CHD2: variants seen among roughly 807,000 people sequenced by gnomAD.
CHD2 encodes chromodomain helicase DNA binding protein 2.
In CHD2, 28 loss-of-function variants were observed where a neutral mutation model predicts 243.9. That is an observed-to-expected ratio of 0.11 (90% CI 0.09 to 0.16). The LOEUF (loss-of-function observed/expected upper bound fraction) is 0.16. CHD2 is among the 10% of genes least tolerant of loss of function. The pLI, the probability that CHD2 is intolerant of heterozygous loss-of-function variation, is 1.00. For synonymous variants in CHD2, 775 were observed against 779.0 expected (o/e 0.99, Z 0.09); for missense variants, 1,386 against 2,209.8 (o/e 0.63, Z 7.47).
At chr15:92,948,561 C>T (rs1040727241) in intron 12 of CHD2, among the ~76,000 whole-genome samples, 2 of 152,076 alleles carry the variant, frequency 1.3e-5, no homozygotes, top group Non-Finnish European at 2.9e-5. Context: ...TGGCCAGGCG[C>T]GGTGGCTCAC....
At position 92,991,508 on chromosome 15, in the gene CHD2, C is replaced by G; in HGVS notation, c.3446C>G (p.Pro1149Arg). The change falls in exon 27 of 39, where the codon CCT becomes CGT. Residue 1149 changes from proline (P) to arginine (R), a missense_variant. Physicochemically the swap from Pro to Arg is moderately radical, Grantham distance 103 (BLOSUM62 -2). This residue lies in a region of CHD2 where 13 missense variants were observed against 57.6 expected (regional missense o/e 0.23). Transcript: ENST00000394196. The stretch of plus-strand genomic sequence containing the variant: ...AAGGCTTATAAGAAGTTTGGTCTCC[C>G]TCTTGAACGGTAAGTTCAGTGTAAT... Reference protein sequence around the residue: ...FIKAYKKFGLPLERLECIARD... With the variant: ...FIKAYKKFGLRLERLECIARD... 1 of 1,607,670 alleles carries G rather than the reference C, an allele frequency of 6.2e-7. No homozygotes were observed. Among genetic ancestry groups the G allele is most frequent in the Non-Finnish European group, 8.5e-7 (1 of 1,176,100 alleles).
chr15:92,928,317 TC>T (rs1207381074), intron 4 of CHD2, among the ~76,000 whole-genome samples: 2 of 152,232 alleles, frequency 1.3e-5, no homozygotes, highest in African/African-American at 4.8e-5. Context: ...TAGAAATCTT[TC>T]CCTCTTTTAC....
intron 27 of CHD2, among the ~76,000 whole-genome samples, chr15:92,992,436 G>A (rs945893373): frequency 6.6e-6 from 1 of 152,174 alleles, no homozygotes; most frequent in South Asian, 2.1e-4. Flanking sequence ...TAAACATATA[G>A]TAGAAGTAGC....
chr15:92,908,635 T>C (rs148692746), intron 2 of CHD2, among the ~76,000 whole-genome samples: 65 of 152,372 alleles, frequency 4.3e-4, no homozygotes, highest in African/African-American at 1.5e-3. Context: ...GCACTTCGTG[T>C]ACTTTAACCC....
At position 92,949,148 on chromosome 15, in the gene CHD2, T is replaced by C; in HGVS notation, c.1502+72T>C. 1.3e-6 allele frequency: 2 copies of C among 1,577,704 alleles called. 1 individual carries two copies. Among genetic ancestry groups the C allele is most frequent in the South Asian group, 2.4e-5 (2 of 83,258 alleles). On this transcript the variant is annotated intron_variant, in intron 13 of 38. Coordinates refer to ENST00000394196, the MANE Select transcript of CHD2 (RefSeq NM_001271.4). ...CTTTATTGTTAGATGTCAAGAATTTTTTTTTTCTTTTTTCACACCCTTATT... is the reference window on the plus strand; with the variant it reads ...CTTTATTGTTAGATGTCAAGAATTTCTTTTTTCTTTTTTCACACCCTTATT...
In CHD2 at chr15:92,901,313, A is replaced by C. The variant is rs1385339721; in HGVS notation, c.62+14A>C. ...CAATGCATCGAGGTATGAGCTATCA[A>C]CTTTCTTCCTTTTTGTCTTTTTTTT... On this transcript the variant is annotated intron_variant, in intron 2 of 38. Transcript: ENST00000394196. 4.4e-6 allele frequency: 7 copies of C among 1,574,970 alleles called. No individual in the cohort carries two copies. The highest frequency in any genetic ancestry group is 5.2e-6 in the Non-Finnish European group (6 of 1,147,840).
chr15:93,000,378 C>T, intron 31 of CHD2, 134 bp from the exon 32 acceptor site: 2 of 934,982 alleles, frequency 2.1e-6, no homozygotes, highest in Non-Finnish European at 3.1e-6. Context: ...ATGAGTTGCA[C>T]TCTTTTGATT....
At chr15:92,941,756 G>A in intron 7 of CHD2, 66 bp from the exon 8 acceptor site, 1 of 1,498,118 alleles carries the variant, frequency 6.7e-7, no homozygotes, top group East Asian at 2.3e-5. Context: ...TCTAGTGACG[G>A]TTATGTGTGG....
chr15:92,997,411 A>G lies in CHD2; in HGVS notation c.3885+8A>G. 1 of 1,558,636 alleles carries G rather than the reference A, an allele frequency of 6.4e-7. No homozygotes were observed. On this transcript the variant is annotated splice_region_variant and intron_variant, in intron 30 of 38. Transcript: ENST00000394196. The surrounding 1 kb of genome is among the most constrained non-coding windows in gnomAD (Gnocchi z 4.1). Reference sequence around the variant, plus strand: ...CTTAAATTAACTGACAAAGTAAGTAACCCTACCATGCTAGAGATTTCTAGA... The same window carrying G: ...CTTAAATTAACTGACAAAGTAAGTAGCCCTACCATGCTAGAGATTTCTAGA...
rs778998281 is a variant in CHD2 at position 92,927,336 on chromosome 15, GA to G, written c.381+12del. The stretch of plus-strand genomic sequence containing the variant: ...GATTTAATATTAAGGAAGAGGTAAG[GA>G]AAAAATGTTTTAAGGGCATGCATTT... On this transcript the variant is annotated splice_region_variant and intron_variant, in intron 4 of 38. Transcript: ENST00000394196. 45 of 1,609,016 alleles carry G rather than the reference GA, an allele frequency of 2.8e-5. No individual in the cohort carries two copies. The highest frequency in any genetic ancestry group is 3.7e-5 in the Non-Finnish European group (44 of 1,176,180).
chr15:92,937,847 G>A (rs2053291616), intron 6 of CHD2, among the ~76,000 whole-genome samples: 1 of 152,206 alleles, frequency 6.6e-6, no homozygotes, highest in Non-Finnish European at 1.5e-5. Context: ...TCCGCTTTTA[G>A]TAAAACTCCT....
rs770097609 is a variant in CHD2 at position 92,997,428 on chromosome 15, A to G, written c.3885+25A>G. 6.6e-7 allele frequency: 1 copy of G among 1,521,120 alleles called. No homozygotes were observed. The highest frequency in any genetic ancestry group is 2.3e-5 in the East Asian group (1 of 43,256). 94.2% of individuals were successfully genotyped at this position (1,521,120 alleles called of 1,614,324 possible). On this transcript the variant is annotated intron_variant, in intron 30 of 38. Coordinates refer to ENST00000394196, the MANE Select transcript of CHD2 (RefSeq NM_001271.4). The surrounding 1 kb of genome is among the most constrained non-coding windows in gnomAD (Gnocchi z 4.1). Reference sequence around the variant, plus strand: ...AGTAAGTAACCCTACCATGCTAGAGATTTCTAGAAGATTTGTTGTGTAATA... The same window carrying G: ...AGTAAGTAACCCTACCATGCTAGAGGTTTCTAGAAGATTTGTTGTGTAATA...
rs1476764301 is a variant in CHD2, at chr15:92,942,865, A to G, written c.849A>G (p.Val283=). Residue 283 remains valine (V), a synonymous_variant, in exon 9 of 39, where the codon GTA becomes GTG. Transcript: ENST00000394196. Reference sequence around the variant, plus strand: ...CAGCCACTGGAGCATCTACTACTGTATATGCGATTGAAGCTAATGGCGACC... The same window carrying G: ...CAGCCACTGGAGCATCTACTACTGTGTATGCGATTGAAGCTAATGGCGACC... ...KKGATGASTT[V]YAIEANGDPS... is the part of the protein sequence containing the mutation. 6.2e-7 allele frequency: 1 copy of G among 1,613,434 alleles called. No individual in the cohort carries two copies. Among genetic ancestry groups the G allele is most frequent in the Non-Finnish European group, 8.5e-7 (1 of 1,179,812 alleles).
intron 16 of CHD2, among the ~76,000 whole-genome samples, chr15:92,962,453 G>A (rs1455904729): frequency 6.6e-6 from 1 of 152,026 alleles, no homozygotes; most frequent in South Asian, 2.1e-4. Flanking sequence ...CAGAAGGATG[G>A]TGTTTAATAT....
chr15:92,987,766 A>G (rs562467999), intron 26 of CHD2, among the ~76,000 whole-genome samples: 2 of 151,762 alleles, frequency 1.3e-5, no homozygotes, highest in South Asian at 4.2e-4. Flanking sequence ...TGTCTTCTAT[A>G]TGTCATGTTT....
intron 19 of CHD2, 144 bp downstream of exon 19, chr15:92,972,561 A>ACCCTCCTGGAATC: frequency 5.1e-6 from 1 of 194,824 alleles, no homozygotes; most frequent in Non-Finnish European, 8.5e-6. Flanking sequence ...TAAGGTTAAG[A>ACCCTCCTGGAATC]TTCCAGGGGG....
chr15:92,973,105 G>T (rs1334652712), intron 19 of CHD2, among the ~76,000 whole-genome samples: 2 of 152,212 alleles, frequency 1.3e-5, no homozygotes, highest in Non-Finnish European at 2.9e-5. Flanking sequence ...GGAGAGGGCA[G>T]TATCAGACAT....
intron 13 of CHD2, chr15:92,949,304 A>T (rs914872541): frequency 2.4e-5 from 28 of 1,170,292 alleles, no homozygotes; most frequent in Middle Eastern, 3.1e-4. Flanking sequence ...TTATTTCATT[A>T]TTTGGTGGGT....
rs560673016 is a variant in CHD2 at position 92,900,632 on chromosome 15, G to GT, written c.-256dup. ...CATTTTTGTGCGCTCTCCTAATGAG[G>GT]TTTTTTTTCTTTCGGACCTGTTTTA... On this transcript the variant is annotated 5_prime_UTR_variant, in exon 1 of 39. The change creates a premature stop within an existing upstream ORF in the 5' untranslated region. Coordinates refer to ENST00000394196, the MANE Select transcript of CHD2 (RefSeq NM_001271.4). 5 of 398,006 alleles carry GT rather than the reference G, an allele frequency of 1.3e-5. No individual in the cohort carries two copies. The highest frequency in any genetic ancestry group is 4.1e-5 in the African/African-American group (2 of 48,400). 24.7% of individuals were successfully genotyped at this position (398,006 alleles called of 1,614,324 possible). A position where few individuals can be genotyped will look rare whatever the true frequency, so the allele number is the denominator to read the frequency against.
Sources: allele counts gnomAD v4.1 joint callset (sites outside exome capture counted in the v4.1 genomes callset), GRCh38; gene constraint gnomAD v4.1.1; regional missense constraint gnomAD v4.1.1; non-coding constraint Gnocchi (gnomAD v3.1); transcripts MANE v1.5; gene names NCBI Gene and HGNC (gene_info 2026-07-23, HGNC 2026-07-21).